CADM1: variants seen among roughly 807,000 people sequenced by gnomAD.
The protein encoded by CADM1 is cell adhesion molecule 1, also known as TSLC-1.
In CADM1, 15 loss-of-function variants were observed where a neutral mutation model predicts 53.1. The ratio of observed to expected loss-of-function variants is 0.28; its 90% CI spans 0.19 to 0.44. The LOEUF (loss-of-function observed/expected upper bound fraction) is 0.44, where lower values mean the gene tolerates loss of function less well. Among genes scored for constraint, CADM1 ranks in the 20% least tolerant of loss-of-function variants. The probability of loss-of-function intolerance (pLI) is 1.00; values close to 1 mark genes in which losing one functional copy is unlikely to be tolerated. For synonymous variants in CADM1, 281 were observed against 243.0 expected (o/e 1.16, Z -1.45); for missense variants, 434 against 611.3 (o/e 0.71, Z 3.06).
intron 1 of CADM1, among the ~76,000 whole-genome samples, chr11:115,347,261 G>A (rs1945605088): frequency 6.6e-6 from 1 of 151,944 alleles, no homozygotes; most frequent in Admixed American, 6.6e-5. Flanking sequence ...CCCCCCAACT[G>A]CTTCTTGGCA....
At chr11:115,488,941 A>G (rs1332049720) in intron 1 of CADM1, among the ~76,000 whole-genome samples, 1 of 152,190 alleles carries the variant, frequency 6.6e-6, no homozygotes, top group Non-Finnish European at 1.5e-5. Context: ...GAAAACTGTT[A>G]CCCTGAGGTT....
chr11:115,233,726 A>T (rs1291352675), intron 3 of CADM1, among the ~76,000 whole-genome samples: 2 of 152,212 alleles, frequency 1.3e-5, no homozygotes, highest in Non-Finnish European at 2.9e-5. Context: ...AAAAAAAAAA[A>T]ATACCTTTCA....
At chr11:115,375,708 C>A (rs747022798) in intron 1 of CADM1, among the ~76,000 whole-genome samples, 2 of 151,828 alleles carry the variant, frequency 1.3e-5, no homozygotes, top group African/African-American at 2.4e-5. Context: ...AAACATAGAC[C>A]CATGACAGAA....
intron 5 of CADM1, among the ~76,000 whole-genome samples, chr11:115,227,480 A>G (rs148978390): frequency 6.6e-6 from 1 of 152,324 alleles, no homozygotes; most frequent in African/African-American, 2.4e-5. Context: ...CAGGACGTAC[A>G]AAGGAGCTAA....
intron 1 of CADM1, among the ~76,000 whole-genome samples, chr11:115,437,313 T>C (rs1033599897): frequency 3.3e-5 from 5 of 152,320 alleles, no homozygotes; most frequent in Admixed American, 1.3e-4. Context: ...TTTCTTTTCC[T>C]GTTTTAAGGA....
intron 1 of CADM1, among the ~76,000 whole-genome samples, chr11:115,252,425 A>C (rs1942635666): frequency 6.6e-6 from 1 of 152,146 alleles, no homozygotes. Context: ...TTTATTTCAG[A>C]GGTTTAGCTA....
chr11:115,180,384 G>A (rs191592709), intron 10 of CADM1, among the ~76,000 whole-genome samples: 109 of 152,268 alleles, frequency 7.2e-4, no homozygotes, highest in Non-Finnish European at 1.2e-3. Context: ...GCAGCAGGTC[G>A]CCCAGGACAA....
chr11:115,202,561 C>T (rs1193592361), intron 8 of CADM1, among the ~76,000 whole-genome samples: 3 of 152,290 alleles, frequency 2.0e-5, no homozygotes, highest in Middle Eastern at 3.4e-3. Flanking sequence ...CCACAATCTA[C>T]TCAAAACCAG....
intron 1 of CADM1, among the ~76,000 whole-genome samples, chr11:115,258,890 G>T (rs956435094): frequency 1.3e-5 from 2 of 152,122 alleles, no homozygotes; most frequent in Admixed American, 1.3e-4. Context: ...TTAGATGATT[G>T]TAGCTCAAAG....
chr11:115,499,007 A>G (rs1490697848), intron 1 of CADM1, among the ~76,000 whole-genome samples: 3 of 152,162 alleles, frequency 2.0e-5, no homozygotes, highest in African/African-American at 7.2e-5. Flanking sequence ...CTTTGTATAC[A>G]TATTTGAAAT....
intron 5 of CADM1, among the ~76,000 whole-genome samples, chr11:115,220,346 C>G (rs1941359528): frequency 6.6e-6 from 1 of 152,114 alleles, no homozygotes. Context: ...TCCTAATGAG[C>G]TGTTTATCAG....
chr11:115,347,978 C>T (rs916911296), intron 1 of CADM1, among the ~76,000 whole-genome samples: 3 of 152,172 alleles, frequency 2.0e-5, no homozygotes, highest in Non-Finnish European at 4.4e-5. Context: ...ATATAATGCT[C>T]TACTTCCTTT....
At chr11:115,382,368 G>T (rs183394) in intron 1 of CADM1, among the ~76,000 whole-genome samples, 41 of 152,114 alleles carry the variant, frequency 2.7e-4, no homozygotes, top group African/African-American at 9.4e-4. Flanking sequence ...CACACGAGAG[G>T]TTTCCTGTCC....
rs918035165 is a variant in CADM1 at position 115,169,332 on chromosome 11, C to G, written c.*7142G>C. 2 of 265,210 alleles carry G rather than the reference C, an allele frequency of 7.5e-6. No homozygotes were observed. Among genetic ancestry groups the G allele is most frequent in the African/African-American group, 2.3e-5 (1 of 43,358 alleles). The allele number at this position is 265,210 out of a possible 1,614,324, so 16.4% of individuals were successfully genotyped here. ...AAGGCCCTTCTCGATGCATTGGTGT[C>G]TCTGCAAGGAAATCTATTATTTTCC... On this transcript the variant is annotated 3_prime_UTR_variant, in exon 12 of 12. Coordinates refer to ENST00000331581, the MANE Select transcript of CADM1 (RefSeq NM_001301043.2).
At chr11:115,195,825 T>G (rs902621136) in intron 9 of CADM1, among the ~76,000 whole-genome samples, 2 of 152,246 alleles carry the variant, frequency 1.3e-5, no homozygotes, top group Non-Finnish European at 2.9e-5. Context: ...ACAGCTTCTT[T>G]GCTGTGGGTT....
chr11:115,455,457 A>G (rs1402175585), intron 1 of CADM1, among the ~76,000 whole-genome samples: 2 of 152,088 alleles, frequency 1.3e-5, no homozygotes, highest in African/African-American at 4.8e-5. Context: ...GAAAATGCCC[A>G]TATATATCTC....
At chr11:115,271,831 T>C (rs1315609035) in intron 1 of CADM1, among the ~76,000 whole-genome samples, 3 of 152,210 alleles carry the variant, frequency 2.0e-5, no homozygotes, top group Non-Finnish European at 2.9e-5. Context: ...GCTTGTTGGA[T>C]AGGCAGCCAA....
intron 1 of CADM1, among the ~76,000 whole-genome samples, chr11:115,404,290 C>T (rs1264334300): frequency 8.3e-5 from 11 of 132,804 alleles, no homozygotes; most frequent in Non-Finnish European, 1.5e-4. Context: ...CATGCCACTC[C>T]ACTCCAGCCT....
chr11:115,313,823 C>T (rs1264582801), intron 1 of CADM1, among the ~76,000 whole-genome samples: 1 of 152,084 alleles, frequency 6.6e-6, no homozygotes, highest in Non-Finnish European at 1.5e-5. Context: ...ACCAGAGTGC[C>T]TCCAGAGTGA....
Sources: allele counts gnomAD v4.1 joint callset (sites outside exome capture counted in the v4.1 genomes callset), GRCh38; gene constraint gnomAD v4.1.1; transcripts MANE v1.5; gene names NCBI Gene and HGNC (gene_info 2026-07-23, HGNC 2026-07-21).